The following NAALADL2 variants were observed in gnomAD, a reference collection of about 807,000 sequenced individuals.
The protein encoded by NAALADL2 is inactive N-acetylated-alpha-linked acidic dipeptidase-like protein 2.
NAALADL2 carries 76 observed loss-of-function variants against 87.2 expected under a neutral mutation model. The observed-to-expected ratio is 0.87, with a 90% confidence interval of 0.72 to 1.05. NAALADL2 has a LOEUF of 1.05. Among genes scored for constraint, NAALADL2 ranks in the 50% least tolerant of loss-of-function variants. The pLI, the probability that NAALADL2 is intolerant of heterozygous loss-of-function variation, is 0.00. For missense variants in NAALADL2, 1,089 were observed against 945.8 expected, an observed-to-expected ratio of 1.15 and a Z score of -1.99; for synonymous variants, 354 against 331.0, an observed-to-expected ratio of 1.07 and a Z score of -0.75.
At chr3:175,000,176 A>C (rs1362441130) in intron 1 of NAALADL2, among the ~76,000 whole-genome samples, 5 of 152,186 alleles carry the variant, frequency 3.3e-5, no homozygotes, top group Non-Finnish European at 7.4e-5. Flanking sequence ...TCTGGAGACA[A>C]AAAGAGAAAT....
At chr3:175,199,864 A>ATTTTTTTTTTTTTTTT (rs869050569) in intron 2 of NAALADL2, among the ~76,000 whole-genome samples, 1 of 13,056 alleles carries the variant, frequency 7.7e-5, no homozygotes, top group Non-Finnish European at 1.4e-4. Flanking sequence ...ATATATATAT[A>ATTTTTTTTTTTTTTTT]TTTTTTTTTT....
At chr3:175,253,388 A>G (rs1269129812) in intron 3 of NAALADL2, among the ~76,000 whole-genome samples, 1 of 152,182 alleles carries the variant, frequency 6.6e-6, no homozygotes. Context: ...ACAATATTCA[A>G]CCTCACTGTT....
intron 3 of NAALADL2, among the ~76,000 whole-genome samples, chr3:174,808,802 AT>A (rs1362996399): frequency 2.6e-5 from 4 of 151,718 alleles, no homozygotes; most frequent in East Asian, 1.9e-4. Context: ...ATTAAAAAAA[AT>A]GTGTGTGTGT....
intron 4 of NAALADL2, among the ~76,000 whole-genome samples, chr3:175,271,497 A>T (rs943324674): frequency 1.3e-5 from 2 of 152,166 alleles, no homozygotes; most frequent in African/African-American, 4.8e-5. Context: ...TTAAAGCTAT[A>T]AAATAGGCAC....
exon 3 of NAALADL2, chr3:174,737,710 AG>A (rs1030895096): frequency 3.3e-5 from 5 of 152,232 alleles, no homozygotes; most frequent in African/African-American, 1.2e-4. Context: ...TGTAACCTGC[AG>A]AAGCCCTCCA....
chr3:175,162,672 A>G (rs1177536616), intron 2 of NAALADL2, among the ~76,000 whole-genome samples: 4 of 152,170 alleles, frequency 2.6e-5, no homozygotes, highest in African/African-American at 9.6e-5. Flanking sequence ...GAGAAAGTTA[A>G]TATTCCAGGA....
chr3:174,658,229 T>C (rs1725167531), intron 2 of NAALADL2, among the ~76,000 whole-genome samples: 1 of 152,160 alleles, frequency 6.6e-6, no homozygotes, highest in African/African-American at 2.4e-5. Flanking sequence ...CATTTTTGCG[T>C]TCCCACCGGC....
chr3:175,222,096 A>T (rs936355681), intron 2 of NAALADL2, among the ~76,000 whole-genome samples: 23 of 152,152 alleles, frequency 1.5e-4, no homozygotes, highest in Admixed American at 1.4e-3. Context: ...TGAGTGTGAG[A>T]ATAGGTATCC....
At chr3:174,908,006 G>A (rs1002107633) in intron 1 of NAALADL2, among the ~76,000 whole-genome samples, 6 of 138,892 alleles carry the variant, frequency 4.3e-5, no homozygotes, top group South Asian at 4.6e-4. Flanking sequence ...ATCTCTTTTC[G>A]AAAGAGAGAA....
At chr3:174,936,949 A>G (rs184283375) in intron 1 of NAALADL2, among the ~76,000 whole-genome samples, 19 of 152,246 alleles carry the variant, frequency 1.2e-4, no homozygotes, top group African/African-American at 4.6e-4. Flanking sequence ...GCCAAAATGG[A>G]TCAAATTGTT....
In NAALADL2 at chr3:175,388,045, T is replaced by C. The variant is rs578074439; in HGVS notation, c.1091-59184T>C. The stretch of plus-strand genomic sequence containing the variant: ...CATTCTCGGTAACTATCAATGTGCA[T>C]GTACATTTTTCTAGAGAGACTTTCC... On this transcript the variant is annotated intron_variant, in intron 5 of 13. Transcript: ENST00000454872. 5.9e-5 allele frequency among the ~76,000 whole-genome samples: 9 copies of C among 152,212 alleles called. No homozygotes were observed. In the South Asian group the frequency reaches 1.7e-3, roughly 28 times the overall value.
At chr3:175,776,777 A>C (rs1226946978) in intron 13 of NAALADL2, among the ~76,000 whole-genome samples, 4 of 152,146 alleles carry the variant, frequency 2.6e-5, no homozygotes, top group Non-Finnish European at 4.4e-5. Context: ...ACAGTGGATA[A>C]GAAGGGAATA....
At position 174,969,921 on chromosome 3, in the gene NAALADL2, T is replaced by C. The variant is rs1204945832; in HGVS notation, c.43+110471T>C. 5.9e-5 allele frequency among the ~76,000 whole-genome samples: 9 copies of C among 152,328 alleles called. No individual in the cohort carries two copies. In the East Asian group the frequency reaches 1.5e-3, roughly 26 times the overall value. On this transcript the variant is annotated intron_variant, in intron 1 of 13. Transcript: ENST00000454872. ...AATAGAATCAAGGAAAAGTACATAA[T>C]TGAAATCAAGGTAAGAAAAATATGT...
At chr3:175,583,894 G>A (rs766297127) in intron 10 of NAALADL2, among the ~76,000 whole-genome samples, 1 of 152,298 alleles carries the variant, frequency 6.6e-6, no homozygotes, top group South Asian at 2.1e-4. Flanking sequence ...AGGCAAGGTA[G>A]AGCAAGGAAA....
At chr3:175,496,820 A>G (rs1203321828) in intron 9 of NAALADL2, among the ~76,000 whole-genome samples, 1 of 151,480 alleles carries the variant, frequency 6.6e-6, no homozygotes. Flanking sequence ...TCGGCCTCCC[A>G]AAGTTCTGGG....
intron 3 of NAALADL2, among the ~76,000 whole-genome samples, chr3:174,834,929 A>G (rs1164989630): frequency 6.6e-6 from 1 of 151,902 alleles, no homozygotes; most frequent in Non-Finnish European, 1.5e-5. Context: ...AAAAAATGAC[A>G]AGTTGATTCT....
upstream of NAALADL2, chr3:174,859,200 C>G (rs1207586847): frequency 1.8e-6 from 1 of 558,288 alleles, no homozygotes; most frequent in East Asian, 2.9e-5. Context: ...AATAGCCATA[C>G]AGTGGATCAA....
chr3:174,548,050 C>T lies in NAALADL2; in HGVS notation c.-183-2519C>T, dbSNP rs535049807. 2.0e-5 allele frequency among the ~76,000 whole-genome samples: 3 copies of T among 152,250 alleles called. No individual in the cohort carries two copies. In the East Asian group the frequency reaches 5.8e-4, roughly 29 times the overall value. On this transcript the variant is annotated intron_variant, in intron 1 of 3. Transcript: ENST00000434257. ...GAAAGCAATTTGGAGTATGTATCAA[C>T]AGCTTTTAAAAAGTTCCTGCCTTCT...
At position 175,740,459 on chromosome 3, in the gene NAALADL2, C is replaced by T. The variant is rs113250642; in HGVS notation, c.1990+3060C>T. Among the ~76,000 whole-genome samples, 887 of 152,210 alleles carry T rather than the reference C, an allele frequency of 5.8e-3. 6 individuals carry two copies. The highest frequency in any genetic ancestry group is 0.02 in the African/African-American group (835 of 41,516). Reference sequence around the variant, plus strand: ...AAAATGAGGCTGGGACTTGCTAGGCCATATTCCCAGAAAGTTAGGCATTCC... The same window carrying T: ...AAAATGAGGCTGGGACTTGCTAGGCTATATTCCCAGAAAGTTAGGCATTCC... On this transcript the variant is annotated intron_variant, in intron 12 of 13. Coordinates refer to ENST00000454872, the MANE Select transcript of NAALADL2 (RefSeq NM_207015.3).
Sources: gnomAD v4.1 joint callset for allele counts (sites outside exome capture counted in the v4.1 genomes callset) on GRCh38, gnomAD v4.1.1 for gene constraint, MANE v1.5 for transcripts, NCBI Gene and HGNC (gene_info 2026-07-23, HGNC 2026-07-21) for gene names.